ZNF444: variants seen among roughly 807,000 people sequenced by gnomAD.
ZNF444 encodes endothelial zinc finger protein 2.
A neutral mutation model predicts 14.4 loss-of-function variants in ZNF444; 8 were observed. The ratio of observed to expected loss-of-function variants is 0.56; its 90% CI spans 0.33 to 1.00. The LOEUF (loss-of-function observed/expected upper bound fraction) is 1.00, where lower values mean the gene tolerates loss of function less well. Among genes scored for constraint, ZNF444 ranks in the 50% least tolerant of loss-of-function variants. The probability of loss-of-function intolerance (pLI) is 0.03; values close to 1 mark genes in which losing one functional copy is unlikely to be tolerated. For missense variants in ZNF444, 510 were observed against 504.8 expected (o/e 1.01, Z -0.10); for synonymous variants, 258 against 235.9 (o/e 1.09, Z -0.86).
At chr19:56,156,454 C>G (rs1568562241) in intron 3 of ZNF444, 1 of 152,226 alleles carries the variant, frequency 6.6e-6, no homozygotes, top group East Asian at 1.9e-4. Flanking sequence ...CCTCCTTTGG[C>G]TTTCTTTCCT....
chr19:56,141,643 C>G (rs1158141004), intron 1 of ZNF444: 1 of 9,388 alleles, frequency 1.1e-4, no homozygotes, highest in Admixed American at 1.0e-3. Context: ...GGGAGGGGCG[C>G]CTGGGGGAGG....
upstream of ZNF444, chr19:56,140,801 G>C (rs1272376940): frequency 1.3e-5 from 2 of 152,538 alleles, no homozygotes; most frequent in African/African-American, 4.8e-5. Context: ...TAGAGCTCCG[G>C]AGGCCCCACC....
rs113399814 is a variant in ZNF444 at position 56,145,597 on chromosome 19, TA to T, written c.-196-639del. ...CGAGACTCCATCTCAAAACAAAAAT[TA>T]AAAAAAAAAATAGAGACAGGAGAGC... On this transcript the variant is annotated intron_variant, in intron 1 of 4. Transcript: ENST00000337080. The surrounding 1 kb of genome is among the most constrained non-coding windows in gnomAD (Gnocchi z 4.3). Among the ~76,000 whole-genome samples, 12,718 of 145,392 alleles carry T rather than the reference TA, an allele frequency of 0.087. 1,032 individuals are homozygous for T. Among genetic ancestry groups the T allele is most frequent in the African/African-American group, 0.22 (8,742 of 39,958 alleles).
At chr19:56,154,013 A>G (rs895512769) in intron 3 of ZNF444, among the ~76,000 whole-genome samples, 4 of 152,240 alleles carry the variant, frequency 2.6e-5, no homozygotes, top group Non-Finnish European at 5.9e-5. Flanking sequence ...AAGAAACAGC[A>G]CAAACACTGA....
chr19:56,148,488 G>A (rs559018797), intron 3 of ZNF444, among the ~76,000 whole-genome samples: 1 of 152,260 alleles, frequency 6.6e-6, no homozygotes, highest in African/African-American at 2.4e-5. Flanking sequence ...CATGGCAGCC[G>A]GGCGGCCTTC....
chr19:56,159,698 A>C lies in ZNF444; in HGVS notation c.481A>C (p.Ser161Arg). 2 of 1,545,110 alleles carry C rather than the reference A, an allele frequency of 1.3e-6. No individual in the cohort carries two copies. Among genetic ancestry groups the C allele is most frequent in the Non-Finnish European group, 1.7e-6 (2 of 1,149,866 alleles). ...QAVRPYKQEP[S>R]SPPLAPGLPA... The stretch of plus-strand genomic sequence containing the variant: ...TGTGCGCCCCTACAAGCAGGAGCCC[A>C]GCAGCCCCCCGCTGGCGCCTGGCCT... The change falls in exon 5 of 5, where the codon AGC (serine) becomes CGC (arginine). Residue 161 changes from serine (S) to arginine (R), a missense_variant. Ser to Arg is a moderately radical substitution (Grantham distance 110). Coordinates refer to ENST00000337080, the MANE Select transcript of ZNF444 (RefSeq NM_018337.4).
At chr19:56,152,324 T>C (rs1336939135) in intron 3 of ZNF444, among the ~76,000 whole-genome samples, 1 of 143,330 alleles carries the variant, frequency 7.0e-6, no homozygotes, top group Non-Finnish European at 1.5e-5. Flanking sequence ...AGAGTGAGAC[T>C]CTGTCTCAAA....
intron 1 of ZNF444, among the ~76,000 whole-genome samples, chr19:56,133,949 C>T (rs1347756351): frequency 6.6e-6 from 1 of 152,128 alleles, no homozygotes; most frequent in African/African-American, 2.4e-5. Flanking sequence ...CTTTCTCAAA[C>T]GTTTCCTGTT....
upstream of ZNF444, among the ~76,000 whole-genome samples, chr19:56,139,872 A>G (rs1391343199): frequency 1.3e-5 from 2 of 152,156 alleles, no homozygotes; most frequent in Non-Finnish European, 2.9e-5. Context: ...TCTACTGCCC[A>G]CCTTAGGTTT....
upstream of ZNF444, among the ~76,000 whole-genome samples, chr19:56,136,525 A>C (rs1311431478): frequency 6.6e-6 from 1 of 152,168 alleles, no homozygotes; most frequent in Non-Finnish European, 1.5e-5. Context: ...CAGCGACTCC[A>C]CTGGAGTTAA....
intron 1 of ZNF444, among the ~76,000 whole-genome samples, chr19:56,133,705 C>T (rs1166719613): frequency 6.7e-6 from 1 of 149,802 alleles, no homozygotes; most frequent in East Asian, 2.0e-4. Context: ...CCCAGCTACT[C>T]GGGAGGCTGA....
upstream of ZNF444, among the ~76,000 whole-genome samples, chr19:56,138,979 T>G (rs2030675415): frequency 6.6e-6 from 1 of 151,646 alleles, no homozygotes. Context: ...GTATTTTTAG[T>G]AGAGACGGGG....
upstream of ZNF444, among the ~76,000 whole-genome samples, chr19:56,136,975 G>C (rs1168016520): frequency 1.3e-5 from 2 of 151,522 alleles, no homozygotes; most frequent in Non-Finnish European, 2.9e-5. Context: ...TGGAGATGGG[G>C]TTTCTCCATG....
At chr19:56,133,540 C>T (rs993164011) in intron 1 of ZNF444, among the ~76,000 whole-genome samples, 1 of 151,354 alleles carries the variant, frequency 6.6e-6, no homozygotes, top group Admixed American at 6.6e-5. Context: ...AGGCCGGGCG[C>T]GATGGCTCAC....
intron 3 of ZNF444, chr19:56,155,433 C>T (rs35484046): frequency 0.4 from 60,432 of 152,376 alleles, 12,616 homozygotes; most frequent in Middle Eastern, 0.62. Context: ...GCCCAGACCC[C>T]CAACCCTGAG....
intron 1 of ZNF444, among the ~76,000 whole-genome samples, chr19:56,133,595 A>C (rs527302745): frequency 6.8e-6 from 1 of 148,082 alleles, no homozygotes; most frequent in Admixed American, 6.6e-5. Context: ...GGTGGATCAC[A>C]AGGTCAGGAG....
chr19:56,133,432 G>A (rs1474430740), intron 1 of ZNF444, among the ~76,000 whole-genome samples: 1 of 152,146 alleles, frequency 6.6e-6, no homozygotes, highest in Non-Finnish European at 1.5e-5. Flanking sequence ...GACACCTGCT[G>A]CTGGCCTTAA....
At chr19:56,139,763 G>A (rs59213358), upstream of ZNF444, among the ~76,000 whole-genome samples, 4,969 of 151,402 alleles carry the variant, frequency 0.033, 294 homozygotes, top group African/African-American at 0.11. Flanking sequence ...TCTATTTTTG[G>A]CCTCAACATT....
chr19:56,139,301 G>A (rs73615800), upstream of ZNF444, among the ~76,000 whole-genome samples: 4,954 of 152,210 alleles, frequency 0.033, 289 homozygotes, highest in African/African-American at 0.11. Flanking sequence ...CCAGGTGGTA[G>A]CCATAGACGG....
Sources: gnomAD v4.1 joint callset for allele counts (sites outside exome capture counted in the v4.1 genomes callset) on GRCh38, gnomAD v4.1.1 for gene constraint, Gnocchi (gnomAD v3.1) non-coding constraint, MANE v1.5 for transcripts, NCBI Gene and HGNC (gene_info 2026-07-23, HGNC 2026-07-21) for gene names.